The following KSR1 variants were observed in gnomAD, a reference collection of about 807,000 sequenced individuals.
KSR1 encodes the protein kinase suppressor of ras.
KSR1 carries 35 observed loss-of-function variants against 92.9 expected under a neutral mutation model. The observed-to-expected ratio is 0.38, with a 90% CI of 0.29 to 0.50. The LOEUF (loss-of-function observed/expected upper bound fraction) is 0.50. Among genes scored for constraint, KSR1 ranks in the 20% least tolerant of loss-of-function variants. The pLI, the probability that KSR1 is intolerant of heterozygous loss-of-function variation, is 0.94. For missense variants in KSR1, 972 were observed against 1,158.5 expected (o/e 0.84, Z 2.34); for synonymous variants, 467 against 472.6 (o/e 0.99, Z 0.15).
At chr17:27,523,572 G>A (rs1188394586) in intron 1 of KSR1, among the ~76,000 whole-genome samples, 2 of 152,204 alleles carry the variant, frequency 1.3e-5, no homozygotes, top group East Asian at 3.8e-4. Context: ...GACATGACCA[G>A]TTTGGAGGGG....
chr17:27,556,267 T>G (rs113415851), intron 2 of KSR1, among the ~76,000 whole-genome samples: 13 of 152,324 alleles, frequency 8.5e-5, no homozygotes, highest in African/African-American at 3.1e-4. Context: ...CAGGCTGGAG[T>G]GCAGTGATGC....
chr17:27,577,986 C>T lies in KSR1; in HGVS notation c.520+347C>T. ...TTCCAGCCCCCAGCCCTCTCCCCGT[C>T]TTCTCCTGTCCCCATTGCTGGCTGG... On this transcript the variant is annotated intron_variant, in intron 3 of 20. Coordinates refer to ENST00000644974, the MANE Select transcript of KSR1 (RefSeq NM_001394583.1). The surrounding 1 kb of genome is among the most constrained non-coding windows in gnomAD (Gnocchi z 4.5). 2.5e-6 allele frequency: 1 copy of T among 407,016 alleles called. No homozygotes were observed. The highest frequency in any genetic ancestry group is 4.7e-6 in the Non-Finnish European group (1 of 214,548). 25.2% of individuals were successfully genotyped at this position (407,016 alleles called of 1,614,324 possible).
At chr17:27,526,044 T>TTTCTTTTCTTTTCTTTTCTTTCTC (rs1555576232) in intron 1 of KSR1, among the ~76,000 whole-genome samples, 3 of 122,878 alleles carry the variant, frequency 2.4e-5, no homozygotes, top group African/African-American at 1.0e-4. Flanking sequence ...TTTCTTTTCT[T>TTTCTTTTCTTTTCTTTTCTTTCTC]TCTCTCTCTC....
chr17:27,492,745 G>T (rs2150964571), intron 1 of KSR1, among the ~76,000 whole-genome samples: 1 of 152,288 alleles, frequency 6.6e-6, no homozygotes, highest in South Asian at 2.1e-4. Context: ...CTTGTCTCTT[G>T]TCTGCCCATA....
At chr17:27,604,795 C>T (rs1243287652) in intron 13 of KSR1, 67 bp downstream of exon 13, 27 of 1,512,666 alleles carry the variant, frequency 1.8e-5, no homozygotes, top group African/African-American at 2.7e-5. Context: ...TCTCAGAATG[C>T]GCAGGGGGCT....
intron 1 of KSR1, among the ~76,000 whole-genome samples, chr17:27,528,685 G>C (rs1217957782): frequency 6.6e-6 from 1 of 152,080 alleles, no homozygotes; most frequent in Non-Finnish European, 1.5e-5. Flanking sequence ...GATCTCTTGA[G>C]CCCAGGAGCT....
chr17:27,494,997 A>G (rs1328931924), intron 1 of KSR1, among the ~76,000 whole-genome samples: 1 of 152,234 alleles, frequency 6.6e-6, no homozygotes, highest in Non-Finnish European at 1.5e-5. Flanking sequence ...GCTCCCGGGC[A>G]GTGCGGGTTC....
intron 1 of KSR1, among the ~76,000 whole-genome samples, chr17:27,493,603 TA>T (rs2068890672): frequency 6.6e-6 from 1 of 152,220 alleles, no homozygotes; most frequent in Non-Finnish European, 1.5e-5. Context: ...AATGTGTTCT[TA>T]ATCTGCCCTT....
intron 2 of KSR1, among the ~76,000 whole-genome samples, chr17:27,558,684 GT>G (rs1190427202): frequency 6.7e-6 from 1 of 149,752 alleles, no homozygotes; most frequent in Non-Finnish European, 1.5e-5. Flanking sequence ...ATATTTGTCT[GT>G]CTGTCTTTCT....
intron 2 of KSR1, among the ~76,000 whole-genome samples, chr17:27,557,083 G>A (rs1322141128): frequency 6.6e-6 from 1 of 152,156 alleles, no homozygotes; most frequent in Non-Finnish European, 1.5e-5. Context: ...AGCTTCGGGA[G>A]GGACCTAAAA....
At chr17:27,616,897 G>A (rs562106707) in intron 18 of KSR1, among the ~76,000 whole-genome samples, 14 of 152,252 alleles carry the variant, frequency 9.2e-5, no homozygotes, top group South Asian at 8.3e-4. Context: ...AGGCTCCCTC[G>A]TCCACTGCAG....
chr17:27,609,113 T>G, intron 15 of KSR1, 83 bp from the exon 16 acceptor site: 1 of 1,439,520 alleles, frequency 6.9e-7, no homozygotes, highest in Non-Finnish European at 9.5e-7. Flanking sequence ...AGATCAAATA[T>G]GGGGATTTAG....
intron 1 of KSR1, among the ~76,000 whole-genome samples, chr17:27,548,204 T>C (rs1412501638): frequency 7.2e-6 from 1 of 139,082 alleles, no homozygotes; most frequent in East Asian, 2.1e-4. Context: ...AAGACCAGCC[T>C]AGGCAACATA....
rs1045148694 is a variant in KSR1, at chr17:27,519,503, C to T, written c.232-31065C>T. On this transcript the variant is annotated intron_variant, in intron 1 of 20. Coordinates refer to ENST00000644974, the MANE Select transcript of KSR1 (RefSeq NM_001394583.1). ...TTCTATCATGTCGGCATAGTTTCTT[C>T]TCTGACCTGGCCATGGTGCGTTTGA... Among the ~76,000 whole-genome samples, 8 of 152,324 alleles carry T rather than the reference C, an allele frequency of 5.3e-5. No homozygotes were observed. The East Asian group carries it at 1.4e-3, about 26-fold the overall frequency.
intron 10 of KSR1, among the ~76,000 whole-genome samples, chr17:27,600,427 AG>A (rs1197899060): frequency 1.3e-5 from 2 of 152,160 alleles, no homozygotes; most frequent in Non-Finnish European, 2.9e-5. Flanking sequence ...ACAACAGAGC[AG>A]GACTCTGTCT....
intron 1 of KSR1, among the ~76,000 whole-genome samples, chr17:27,519,213 C>G (rs1385014856): frequency 2.0e-5 from 3 of 152,150 alleles, no homozygotes; most frequent in Non-Finnish European, 4.4e-5. Context: ...GTGTGGTTCC[C>G]TGCAGAAAGG....
chr17:27,560,520 G>A (rs549482738), intron 2 of KSR1: 11 of 517,876 alleles, frequency 2.1e-5, no homozygotes, highest in Admixed American at 7.8e-5. Flanking sequence ...CTCTACCCTT[G>A]CGTTCCTGTG....
chr17:27,600,298 G>C (rs1487641006), intron 10 of KSR1, among the ~76,000 whole-genome samples: 3 of 151,944 alleles, frequency 2.0e-5, no homozygotes, highest in Non-Finnish European at 2.9e-5. Flanking sequence ...AGCCAGGCAT[G>C]GTGGTGGGCT....
intron 1 of KSR1, among the ~76,000 whole-genome samples, chr17:27,519,115 T>A (rs777194149): frequency 6.6e-6 from 1 of 152,146 alleles, no homozygotes; most frequent in Non-Finnish European, 1.5e-5. Flanking sequence ...AGGCCGCTGG[T>A]GGGTAATGGT....
Sources: allele counts gnomAD v4.1 joint callset (sites outside exome capture counted in the v4.1 genomes callset), GRCh38; gene constraint gnomAD v4.1.1; non-coding constraint Gnocchi (gnomAD v3.1); transcripts MANE v1.5; gene names NCBI Gene and HGNC (gene_info 2026-07-23, HGNC 2026-07-21).